DPY19L1: variants seen among roughly 807,000 people sequenced by gnomAD.
DPY19L1 encodes the protein protein C-mannosyl-transferase DPY19L1.
DPY19L1 carries 35 observed loss-of-function variants against 96.9 expected under a neutral mutation model. That is an observed-to-expected ratio of 0.36 (90% CI 0.28 to 0.48). The LOEUF is 0.48. Among genes scored for constraint, DPY19L1 ranks in the 20% least tolerant of loss-of-function variants. DPY19L1 has a pLI of 0.99. For missense variants in DPY19L1, 521 were observed against 777.9 expected (o/e 0.67, Z 3.93); for synonymous variants, 205 against 252.6 (o/e 0.81, Z 1.79).
intron 21 of DPY19L1, among the ~76,000 whole-genome samples, chr7:34,932,962 T>C (rs967504847): frequency 6.6e-6 from 1 of 152,190 alleles, no homozygotes; most frequent in African/African-American, 2.4e-5. Context: ...GTAGCAGGTA[T>C]GTACATCATT....
chr7:35,023,640 G>A (rs557773190), intron 1 of DPY19L1, among the ~76,000 whole-genome samples: 1 of 152,002 alleles, frequency 6.6e-6, no homozygotes, highest in African/African-American at 2.4e-5. Flanking sequence ...GAAAGAATGG[G>A]CTTCTAAGAG....
rs1783738967 is a variant in DPY19L1 at position 34,930,898 on chromosome 7, G to C, written c.*675C>G. On this transcript the variant is annotated 3_prime_UTR_variant, in exon 22 of 22. Transcript: ENST00000638088. ...GAAGAGGAGAAGAGAGAGAGCAAGA[G>C]AGAGAGAGAAAGAGACACGATAATG... 1 of 152,104 alleles carries C rather than the reference G, an allele frequency of 6.6e-6. No homozygotes were observed. Among genetic ancestry groups the C allele is most frequent in the Admixed American group, 6.5e-5 (1 of 15,276 alleles). The allele number at this position is 152,104 out of a possible 1,614,324, so 9.4% of individuals were successfully genotyped here. A position where few individuals can be genotyped will look rare whatever the true frequency, so the allele number is the denominator to read the frequency against.
At position 34,940,245 on chromosome 7, in the gene DPY19L1, G is replaced by C; in HGVS notation, c.1772C>G (p.Ala591Gly). 6.2e-7 allele frequency: 1 copy of C among 1,611,264 alleles called. No individual in the cohort carries two copies. The highest frequency in any genetic ancestry group is 8.5e-7 in the Non-Finnish European group (1 of 1,179,640). The change falls in exon 19 of 22, where the codon GCA becomes GGA. Residue 591 changes from alanine to glycine, a missense_variant. By Grantham distance (60) the Ala-to-Gly change is moderately conservative (BLOSUM62 0). Coordinates refer to ENST00000638088, the MANE Select transcript of DPY19L1 (RefSeq NM_001366673.1). ...ILAAMSIQGS[A>G]NLQTQWNIVG... ...AATATTCCACTGGGTTTGCAGATTT[G>C]CTGAACCTTGTATTGACATTGCTGC...
chr7:34,933,484 TGATTG>T (rs1226128628), intron 21 of DPY19L1, among the ~76,000 whole-genome samples: 2 of 151,990 alleles, frequency 1.3e-5, no homozygotes, highest in Non-Finnish European at 2.9e-5. Flanking sequence ...AGTGTCAACT[TGATTG>T]GATTGAAGGA....
chr7:35,013,498 T>A, intron 4 of DPY19L1, 70 bp downstream of exon 4: 1 of 1,214,198 alleles, frequency 8.2e-7, no homozygotes, highest in Non-Finnish European at 1.2e-6. Flanking sequence ...TATCTTAGAT[T>A]TAGAATCAGC....
upstream of DPY19L1, chr7:35,037,913 C>T (rs1173186137): frequency 1.5e-4 from 187 of 1,237,850 alleles, no homozygotes; most frequent in Non-Finnish European, 1.8e-4. Flanking sequence ...AGTGATGGGG[C>T]CGAAGGAAGA....
intron 13 of DPY19L1, among the ~76,000 whole-genome samples, chr7:34,952,410 A>G: frequency 6.6e-6 from 1 of 152,166 alleles, no homozygotes; most frequent in Non-Finnish European, 1.5e-5. Flanking sequence ...AAACCTACCC[A>G]TAAAGAAAGC....
chr7:34,966,782 A>T, intron 10 of DPY19L1, 112 bp downstream of exon 10: 1 of 1,037,350 alleles, frequency 9.6e-7, no homozygotes, highest in Non-Finnish European at 1.3e-6. Flanking sequence ...TTTGAACAAC[A>T]TTTGTTTTAG....
intron 7 of DPY19L1, among the ~76,000 whole-genome samples, chr7:34,984,416 A>T (rs1236330050): frequency 6.6e-6 from 1 of 152,210 alleles, no homozygotes; most frequent in Non-Finnish European, 1.5e-5. Flanking sequence ...TGGAAACAGA[A>T]GAAAGAAGGG....
intron 13 of DPY19L1, among the ~76,000 whole-genome samples, chr7:34,954,128 C>A (rs1187567875): frequency 6.6e-6 from 1 of 152,038 alleles, no homozygotes; most frequent in African/African-American, 2.4e-5. Context: ...GATTAAAACA[C>A]CAAAATAAAA....
chr7:34,977,327 A>G (rs982479991), intron 7 of DPY19L1, among the ~76,000 whole-genome samples: 1 of 152,206 alleles, frequency 6.6e-6, no homozygotes, highest in African/African-American at 2.4e-5. Context: ...GTACAATTTG[A>G]GAATTTTCTT....
rs1455981481 is a variant in DPY19L1 at position 34,931,442 on chromosome 7, A to G, written c.*131T>C. On this transcript the variant is annotated 3_prime_UTR_variant, in exon 22 of 22. Transcript: ENST00000638088. ...TATAATTAGAATGACATTCAAATTG[A>G]CCAAATAAAACGTTTTCTATTTGAA... 5.7e-6 allele frequency: 7 copies of G among 1,233,266 alleles called. No individual in the cohort carries two copies. Among genetic ancestry groups the G allele is most frequent in the Non-Finnish European group, 7.5e-6 (7 of 934,834 alleles). The allele number at this position is 1,233,266 out of a possible 1,614,324, so 76.4% of individuals were successfully genotyped here.
chr7:35,007,184 G>T (rs1294516803), intron 6 of DPY19L1, among the ~76,000 whole-genome samples: 2 of 152,174 alleles, frequency 1.3e-5, no homozygotes, highest in African/African-American at 4.8e-5. Flanking sequence ...GAAGTGATAA[G>T]AGACTCTATT....
intron 7 of DPY19L1, among the ~76,000 whole-genome samples, chr7:34,984,217 T>C (rs1012343131): frequency 1.3e-5 from 2 of 152,154 alleles, no homozygotes; most frequent in African/African-American, 4.8e-5. Context: ...AGAAATTATG[T>C]CAGATGGAAA....
At position 35,018,398 on chromosome 7, in the gene DPY19L1, T is replaced by C. The variant is rs1267603549; in HGVS notation, c.323+174A>G. ...ATGAATCTCTTTTTTATTAAACAAT[T>C]ATATTATTCTGACCCTGATTTATCA... On this transcript the variant is annotated intron_variant, in intron 2 of 21. Transcript: ENST00000638088. Among the ~76,000 whole-genome samples, 7 of 152,174 alleles carry C rather than the reference T, an allele frequency of 4.6e-5. No individual in the cohort carries two copies. In the East Asian group the frequency reaches 1.3e-3, roughly 29 times the overall value.
At chr7:35,027,560 T>C (rs1786154162) in intron 1 of DPY19L1, among the ~76,000 whole-genome samples, 2 of 151,914 alleles carry the variant, frequency 1.3e-5, no homozygotes, top group South Asian at 4.2e-4. Flanking sequence ...CCGGGCTCCA[T>C]GGCTCACGCC....
chr7:34,965,025 T>C (rs998637027), intron 10 of DPY19L1, among the ~76,000 whole-genome samples: 2 of 152,148 alleles, frequency 1.3e-5, no homozygotes, highest in South Asian at 2.1e-4. Context: ...TAGAATAACA[T>C]AAGCTGCTAT....
chr7:35,003,917 A>T (rs988500574), intron 6 of DPY19L1, among the ~76,000 whole-genome samples: 7 of 152,138 alleles, frequency 4.6e-5, no homozygotes, highest in Non-Finnish European at 1.0e-4. Flanking sequence ...TAGCCCAGGC[A>T]CCTTTATTTC....
chr7:35,027,283 A>C (rs1283196820), intron 1 of DPY19L1, among the ~76,000 whole-genome samples: 2 of 152,112 alleles, frequency 1.3e-5, no homozygotes, highest in East Asian at 3.9e-4. Flanking sequence ...TTGAGTAGCT[A>C]CCTACAGCTG....
Sources: gnomAD v4.1 joint callset for allele counts (sites outside exome capture counted in the v4.1 genomes callset) on GRCh38, gnomAD v4.1.1 for gene constraint, MANE v1.5 for transcripts, NCBI Gene and HGNC (gene_info 2026-07-23, HGNC 2026-07-21) for gene names.